Variants in CADM2 observed in about 807,000 individuals in gnomAD.
CADM2 encodes the protein cell adhesion molecule 2.
CADM2 carries 12 observed loss-of-function variants against 49.8 expected under a neutral mutation model. The observed-to-expected ratio is 0.24, with a 90% CI of 0.15 to 0.39. The LOEUF (loss-of-function observed/expected upper bound fraction) is 0.39. Ranked by LOEUF, CADM2 falls within the 10% of genes least tolerant of loss-of-function variation. CADM2 has a pLI of 1.00. For missense variants in CADM2, 378 were observed against 492.3 expected (o/e 0.77, Z 2.20); for synonymous variants, 214 against 175.4 (o/e 1.22, Z -1.74).
chr3:85,823,501 A>G (rs2073720728), intron 3 of CADM2, among the ~76,000 whole-genome samples: 1 of 152,228 alleles, frequency 6.6e-6, no homozygotes, highest in South Asian at 2.1e-4. Context: ...ATTTTTCTCA[A>G]TGTGTGTATT....
intron 1 of CADM2, among the ~76,000 whole-genome samples, chr3:85,089,491 T>C (rs899424916): frequency 1.3e-5 from 2 of 152,174 alleles, no homozygotes. Context: ...TTTAGCAGTT[T>C]AGTCCAAAAT....
At chr3:85,777,485 C>T (rs928372826) in intron 2 of CADM2, among the ~76,000 whole-genome samples, 1 of 152,040 alleles carries the variant, frequency 6.6e-6, no homozygotes, top group Non-Finnish European at 1.5e-5. Context: ...CAACTCCTAA[C>T]TTCAGGTGAT....
chr3:85,581,264 A>G (rs1380079773), intron 1 of CADM2, among the ~76,000 whole-genome samples: 1 of 152,098 alleles, frequency 6.6e-6, no homozygotes, highest in Non-Finnish European at 1.5e-5. Flanking sequence ...ATTATATACT[A>G]CACTAGGTCT....
intron 1 of CADM2, among the ~76,000 whole-genome samples, chr3:85,384,020 A>T (rs943040092): frequency 2.6e-5 from 4 of 152,194 alleles, no homozygotes; most frequent in Non-Finnish European, 5.9e-5. Context: ...AAACTGCTGG[A>T]TTAAATAATT....
chr3:85,212,881 T>G (rs548707257), intron 1 of CADM2, among the ~76,000 whole-genome samples: 3 of 134,288 alleles, frequency 2.2e-5, no homozygotes, highest in African/African-American at 1.1e-4. Flanking sequence ...TTTCTTTCTT[T>G]CTTTCTCTTT....
intron 7 of CADM2, among the ~76,000 whole-genome samples, chr3:85,950,232 GGAAT>G (rs1723276957): frequency 6.6e-6 from 1 of 151,014 alleles, no homozygotes; most frequent in Non-Finnish European, 1.5e-5. Context: ...CTTTTAACTG[GGAAT>G]TAATATTCTG....
intron 1 of CADM2, among the ~76,000 whole-genome samples, chr3:85,212,971 C>G (rs1398318659): frequency 6.6e-6 from 1 of 151,452 alleles, no homozygotes; most frequent in African/African-American, 2.4e-5. Context: ...ACCTTCGCCT[C>G]CTGGGTTCAA....
intron 1 of CADM2, among the ~76,000 whole-genome samples, chr3:85,369,316 A>G (rs1220562661): frequency 6.6e-6 from 1 of 152,210 alleles, no homozygotes; most frequent in Non-Finnish European, 1.5e-5. Context: ...TATCATGACT[A>G]CATATATGAT....
chr3:85,658,576 G>GTA (rs397990421), intron 1 of CADM2, among the ~76,000 whole-genome samples: 6,329 of 68,196 alleles, frequency 0.093, 373 homozygotes, highest in Non-Finnish European at 0.1. Flanking sequence ...GGATATATGT[G>GTA]TATATATATA....
At chr3:85,012,318 C>CTT (rs112790100) in intron 1 of CADM2, among the ~76,000 whole-genome samples, 1 of 142,106 alleles carries the variant, frequency 7.0e-6, no homozygotes, top group Admixed American at 7.2e-5. Flanking sequence ...TTGCAAAATG[C>CTT]TTTTTTTTTT....
intron 2 of CADM2, among the ~76,000 whole-genome samples, chr3:85,762,619 C>G (rs1246067168): frequency 4.0e-5 from 6 of 151,422 alleles, no homozygotes; most frequent in Non-Finnish European, 8.8e-5. Flanking sequence ...CTCTCTCTCT[C>G]TCTGTCTCTG....
intron 1 of CADM2, among the ~76,000 whole-genome samples, chr3:85,659,202 C>T (rs1356458088): frequency 1.3e-5 from 2 of 151,780 alleles, no homozygotes; most frequent in African/African-American, 2.4e-5. Flanking sequence ...ATATAATTGA[C>T]AGCCTCATCG....
intron 8 of CADM2, among the ~76,000 whole-genome samples, chr3:85,989,455 CT>C (rs1185512238): frequency 6.6e-6 from 1 of 152,212 alleles, no homozygotes; most frequent in African/African-American, 2.4e-5. Context: ...ATTCAGACCA[CT>C]TTTTTCTCTT....
At chr3:85,207,775 T>A (rs967234677) in intron 1 of CADM2, among the ~76,000 whole-genome samples, 2 of 152,184 alleles carry the variant, frequency 1.3e-5, no homozygotes, top group African/African-American at 4.8e-5. Context: ...AATCATTTAA[T>A]TTGACAAACA....
At chr3:85,307,758 A>G (rs1321457723) in intron 1 of CADM2, among the ~76,000 whole-genome samples, 1 of 151,746 alleles carries the variant, frequency 6.6e-6, no homozygotes, top group Non-Finnish European at 1.5e-5. Flanking sequence ...ACATCTCAGG[A>G]AAAGTCAATG....
intron 1 of CADM2, among the ~76,000 whole-genome samples, chr3:85,120,526 A>G (rs1199328608): frequency 2.6e-5 from 4 of 152,156 alleles, no homozygotes; most frequent in African/African-American, 7.2e-5. Flanking sequence ...TGTTTTTTGC[A>G]GGGACATGGA....
intron 8 of CADM2, among the ~76,000 whole-genome samples, chr3:86,045,172 C>T (rs943552515): frequency 5.9e-5 from 9 of 151,674 alleles, no homozygotes; most frequent in African/African-American, 2.2e-4. Context: ...CTAACCTGCA[C>T]ATTGTGCACA....
chr3:85,088,823 GATA>G (rs1421481427), intron 1 of CADM2, among the ~76,000 whole-genome samples: 5 of 152,022 alleles, frequency 3.3e-5, no homozygotes, highest in East Asian at 1.9e-4. Context: ...ATAAATGACA[GATA>G]ATAATTATCT....
At chr3:85,148,040 G>C (rs2039805862) in intron 1 of CADM2, among the ~76,000 whole-genome samples, 1 of 152,196 alleles carries the variant, frequency 6.6e-6, no homozygotes, top group African/African-American at 2.4e-5. Context: ...AACTTTGTAA[G>C]TCAGATATTG....
Sources: allele counts gnomAD v4.1 joint callset (sites outside exome capture counted in the v4.1 genomes callset), GRCh38; gene constraint gnomAD v4.1.1; transcripts MANE v1.5; gene names NCBI Gene and HGNC (gene_info 2026-07-23, HGNC 2026-07-21).